The following ITCH variants were observed in gnomAD, a reference collection of about 807,000 sequenced individuals.
The protein encoded by ITCH is itchy E3 ubiquitin protein ligase, also known as E3 ubiquitin-protein ligase Itchy homolog.
ITCH carries 28 observed loss-of-function variants against 126.8 expected under a neutral mutation model. The observed-to-expected ratio is 0.22, with a 90% CI of 0.16 to 0.30. The LOEUF is 0.30. ITCH is among the 10% of genes least tolerant of loss of function. The pLI is 1.00. For missense variants in ITCH, 631 were observed against 1,032.4 expected (o/e 0.61, Z 5.33); for synonymous variants, 342 against 340.0 (o/e 1.01, Z -0.06).
At chr20:34,503,378 A>T (rs1990383104) in intron 23 of ITCH, among the ~76,000 whole-genome samples, 1 of 152,188 alleles carries the variant, frequency 6.6e-6, no homozygotes, top group Admixed American at 6.5e-5. Flanking sequence ...ATGATCTTTT[A>T]AAAAACTGGT....
intron 2 of ITCH, among the ~76,000 whole-genome samples, chr20:34,383,196 C>A (rs1019096013): frequency 2.6e-5 from 4 of 151,942 alleles, no homozygotes; most frequent in African/African-American, 9.7e-5. Context: ...TGCATACCAC[C>A]ATGCCTGGGT....
At chr20:34,491,193 G>A (rs1002973986) in intron 22 of ITCH, among the ~76,000 whole-genome samples, 7 of 152,100 alleles carry the variant, frequency 4.6e-5, no homozygotes, top group African/African-American at 7.2e-5. Context: ...TGTCTGTGTT[G>A]GAATATTATT....
At chr20:34,426,535 T>A (rs575468783) in intron 7 of ITCH, among the ~76,000 whole-genome samples, 51 of 151,674 alleles carry the variant, frequency 3.4e-4, no homozygotes, top group Non-Finnish European at 6.8e-4. Context: ...AACCTCCATC[T>A]CCCGGGTTCA....
At chr20:34,476,279 T>C in intron 16 of ITCH, 2 of 863,802 alleles carry the variant, frequency 2.3e-6, no homozygotes, top group South Asian at 2.6e-5. Flanking sequence ...ACTGTCACTT[T>C]ATCTTCTGAG....
intron 9 of ITCH, chr20:34,441,910 T>G (rs1983807993): frequency 1.0e-5 from 4 of 385,394 alleles, no homozygotes; most frequent in Admixed American, 7.3e-5. Flanking sequence ...AAATCCTGAT[T>G]ATACCCTGAT....
chr20:34,423,498 G>A (rs1981074698), intron 6 of ITCH, among the ~76,000 whole-genome samples: 1 of 152,052 alleles, frequency 6.6e-6, no homozygotes, highest in African/African-American at 2.4e-5. Flanking sequence ...CTAGGTGGTC[G>A]AACTTGAGTT....
chr20:34,472,610 G>A (rs893167678), intron 16 of ITCH, among the ~76,000 whole-genome samples: 1 of 152,194 alleles, frequency 6.6e-6, no homozygotes, highest in Non-Finnish European at 1.5e-5. Context: ...ACAGCTTCAA[G>A]AAGTACGGAA....
intron 13 of ITCH, 32 bp downstream of exon 13, chr20:34,457,506 C>T: frequency 1.2e-5 from 17 of 1,372,224 alleles, no homozygotes; most frequent in Non-Finnish European, 1.7e-5. Flanking sequence ...TATTTAATCT[C>T]TTAAAGATTA....
At chr20:34,507,075 A>T (rs1456315064) in intron 24 of ITCH, among the ~76,000 whole-genome samples, 1 of 152,008 alleles carries the variant, frequency 6.6e-6, no homozygotes, top group Non-Finnish European at 1.5e-5. Flanking sequence ...CCCTGCTTTC[A>T]GTTGTTTTGG....
At chr20:34,449,514 C>G (rs1411629985) in intron 12 of ITCH, 34 bp downstream of exon 12, 1 of 1,372,814 alleles carries the variant, frequency 7.3e-7, no homozygotes, top group African/African-American at 1.4e-5. Context: ...GGAGTTCTGT[C>G]ATTTCATTTT....
chr20:34,507,466 T>C (rs1171189662), intron 24 of ITCH, among the ~76,000 whole-genome samples: 5 of 151,968 alleles, frequency 3.3e-5, no homozygotes, highest in East Asian at 3.8e-4. Context: ...TTTTTAAATA[T>C]TGTTGAGTTT....
chr20:34,391,926 C>T (rs929614420), intron 2 of ITCH, among the ~76,000 whole-genome samples: 3 of 152,194 alleles, frequency 2.0e-5, no homozygotes, highest in Admixed American at 1.3e-4. Flanking sequence ...ATAATTTATA[C>T]TGTACTATTA....
chr20:34,409,759 A>G (rs1156555361), intron 4 of ITCH, among the ~76,000 whole-genome samples: 1 of 151,444 alleles, frequency 6.6e-6, no homozygotes, highest in East Asian at 1.9e-4. Context: ...GTGTAGATTC[A>G]TAGAAGTAGG....
chr20:34,395,320 G>A (rs1308859102), intron 3 of ITCH, among the ~76,000 whole-genome samples: 1 of 151,746 alleles, frequency 6.6e-6, no homozygotes, highest in Admixed American at 6.6e-5. Context: ...AAAGGTAATT[G>A]TAATTGTTTT....
intron 16 of ITCH, chr20:34,475,813 G>C: frequency 4.4e-6 from 3 of 674,186 alleles, no homozygotes; most frequent in Non-Finnish European, 7.8e-6. Flanking sequence ...AATTAAAATA[G>C]TAAAGCTAGT....
chr20:34,412,131 T>C (rs991554991), intron 4 of ITCH, among the ~76,000 whole-genome samples: 3 of 152,216 alleles, frequency 2.0e-5, no homozygotes, highest in Non-Finnish European at 2.9e-5. Flanking sequence ...TCCCATCTCA[T>C]AGGGTTACTA....
At chr20:34,411,877 A>C (rs928957777) in intron 4 of ITCH, among the ~76,000 whole-genome samples, 1 of 152,214 alleles carries the variant, frequency 6.6e-6, no homozygotes, top group Non-Finnish European at 1.5e-5. Context: ...ATTGGCATTT[A>C]GCAAGGAATG....
intron 12 of ITCH, among the ~76,000 whole-genome samples, chr20:34,456,678 A>G (rs530409407): frequency 6.2e-4 from 91 of 147,068 alleles, no homozygotes; most frequent in Non-Finnish European, 1.0e-3. Context: ...GTGTGTATTT[A>G]TATATACAAA....
At chr20:34,498,900 A>T (rs1330509463) in intron 23 of ITCH, among the ~76,000 whole-genome samples, 1 of 151,696 alleles carries the variant, frequency 6.6e-6, no homozygotes, top group Non-Finnish European at 1.5e-5. Context: ...GCTTGAAAAG[A>T]ATTGGTATTA....
Sources: allele counts gnomAD v4.1 joint callset (sites outside exome capture counted in the v4.1 genomes callset), GRCh38; gene constraint gnomAD v4.1.1; transcripts MANE v1.5; gene names NCBI Gene and HGNC (gene_info 2026-07-23, HGNC 2026-07-21).